The following CPE variants were observed in gnomAD, a reference collection of about 807,000 sequenced individuals.
The protein encoded by CPE is carbocypeptidase E.
In CPE, 17 loss-of-function variants were observed where a neutral mutation model predicts 53.5. The ratio of observed to expected loss-of-function variants is 0.32; its 90% CI spans 0.22 to 0.48. The LOEUF (loss-of-function observed/expected upper bound fraction) is 0.48, where lower values mean the gene tolerates loss of function less well. CPE is among the 20% of genes least tolerant of loss of function. The pLI is 0.99. For missense variants in CPE, 524 were observed against 614.7 expected, an observed-to-expected ratio of 0.85 and a Z score of 1.56; for synonymous variants, 226 against 228.8, an observed-to-expected ratio of 0.99 and a Z score of 0.11.
chr4:165,460,645 A>G (rs1408443804), intron 1 of CPE, among the ~76,000 whole-genome samples: 1 of 152,160 alleles, frequency 6.6e-6, no homozygotes, highest in African/African-American at 2.4e-5. Context: ...AAGCATCTGC[A>G]GCTGCACCTC....
At chr4:165,436,003 G>T (rs1053664670) in intron 1 of CPE, among the ~76,000 whole-genome samples, 12 of 151,916 alleles carry the variant, frequency 7.9e-5, no homozygotes, top group African/African-American at 2.4e-4. Context: ...TCCTACCTCT[G>T]GGCTGATTCT....
At chr4:165,486,209 G>C (rs369288620) in intron 5 of CPE, among the ~76,000 whole-genome samples, 1,448 of 70,146 alleles carry the variant, frequency 0.021, 10 homozygotes, top group African/African-American at 0.042. Flanking sequence ...GAAAAGGGGT[G>C]GGGGGGTAGC....
chr4:165,389,122 A>G (rs1730641521), intron 1 of CPE, among the ~76,000 whole-genome samples: 1 of 152,222 alleles, frequency 6.6e-6, no homozygotes, highest in Non-Finnish European at 1.5e-5. Flanking sequence ...ATATAGAGAT[A>G]GATAAATCTC....
intron 1 of CPE, among the ~76,000 whole-genome samples, chr4:165,426,353 A>G (rs1731317399): frequency 6.6e-6 from 1 of 152,240 alleles, no homozygotes; most frequent in Non-Finnish European, 1.5e-5. Flanking sequence ...TGTTAAGTCC[A>G]GCCTCCAGCT....
At chr4:165,481,715 A>G (rs1277293676) in intron 3 of CPE, among the ~76,000 whole-genome samples, 1 of 152,254 alleles carries the variant, frequency 6.6e-6, no homozygotes, top group Non-Finnish European at 1.5e-5. Flanking sequence ...ACTCTGAAAG[A>G]GACTCAACCT....
chr4:165,379,158 G>C lies in CPE; in HGVS notation c.-64G>C, dbSNP rs1730458450. ...AGCAGCGCCGGCGGGCTAAGCCCAG[G>C]GCCGGGCAGACAAAAGAGGCCGCCC... is the stretch of plus-strand genomic sequence containing the variant. On this transcript the variant is annotated 5_prime_UTR_variant, in exon 1 of 9. Transcript: ENST00000402744. The surrounding 1 kb of genome is among the most constrained non-coding windows in gnomAD (Gnocchi z 6.0). 1.7e-6 allele frequency: 2 copies of C among 1,199,660 alleles called. No homozygotes were observed. Among genetic ancestry groups the C allele is most frequent in the Non-Finnish European group, 2.1e-6 (2 of 964,808 alleles). The allele number at this position is 1,199,660 out of a possible 1,614,324, so 74.3% of individuals were successfully genotyped here.
Position 165,398,064 on chromosome 4 carries a change from A to C in CPE, c.307+18536A>C, listed in dbSNP as rs201841008. ...AGTCCTCATTTCTAAAAAAAAAAAA[A>C]AAAAAAACAAAACCCCACTAAGGTT... is the stretch of plus-strand genomic sequence containing the variant. On this transcript the variant is annotated intron_variant, in intron 1 of 8. Coordinates refer to ENST00000402744, the MANE Select transcript of CPE (RefSeq NM_001873.4). Among the ~76,000 whole-genome samples, 28 of 151,370 alleles carry C rather than the reference A, an allele frequency of 1.8e-4. No individual in the cohort carries two copies. The East Asian group carries it at 4.6e-3, about 25-fold the overall frequency.
At chr4:165,450,863 G>A (rs1169438923) in intron 1 of CPE, among the ~76,000 whole-genome samples, 6 of 152,290 alleles carry the variant, frequency 3.9e-5, no homozygotes, top group Middle Eastern at 3.4e-3. Context: ...AAGTAGGTTG[G>A]AGTAAGAAAA....
intron 1 of CPE, among the ~76,000 whole-genome samples, chr4:165,433,668 G>A (rs1259302298): frequency 3.9e-5 from 6 of 152,126 alleles, no homozygotes; most frequent in South Asian, 2.1e-4. Context: ...CAGGCGTGGC[G>A]GCATGCAAGT....
intron 1 of CPE, among the ~76,000 whole-genome samples, chr4:165,442,047 G>GTT (rs1054878301): frequency 4.4e-4 from 25 of 57,110 alleles, no homozygotes; most frequent in Admixed American, 2.2e-3. Context: ...TTTTTTTTTT[G>GTT]TTTTTTTTTT....
chr4:165,481,846 G>T (rs1361067061), intron 3 of CPE, among the ~76,000 whole-genome samples: 1 of 152,136 alleles, frequency 6.6e-6, no homozygotes, highest in East Asian at 1.9e-4. Context: ...ATCTTGTTCT[G>T]CAGTTCAATT....
At chr4:165,397,415 C>A (rs9997470) in intron 1 of CPE, among the ~76,000 whole-genome samples, 38,230 of 152,078 alleles carry the variant, frequency 0.25, 4,986 homozygotes, top group East Asian at 0.41. Context: ...TTAGAATATA[C>A]ATGTATATAT....
intron 1 of CPE, among the ~76,000 whole-genome samples, chr4:165,399,057 T>A (rs1730822640): frequency 6.6e-6 from 1 of 152,212 alleles, no homozygotes; most frequent in Non-Finnish European, 1.5e-5. Flanking sequence ...ATTATAAAAA[T>A]TTAATTGCCT....
chr4:165,458,945 A>T (rs911880417), intron 1 of CPE, among the ~76,000 whole-genome samples: 1 of 152,328 alleles, frequency 6.6e-6, no homozygotes, highest in East Asian at 1.9e-4. Context: ...CATTTATGTC[A>T]TGCTCACCCT....
At chr4:165,432,378 C>A (rs567382574) in intron 1 of CPE, among the ~76,000 whole-genome samples, 1 of 152,172 alleles carries the variant, frequency 6.6e-6, no homozygotes, top group African/African-American at 2.4e-5. Context: ...TCACCGTAGC[C>A]TCCACCTCCC....
chr4:165,388,764 G>C (rs1427219850), intron 1 of CPE, among the ~76,000 whole-genome samples: 2 of 152,102 alleles, frequency 1.3e-5, no homozygotes, highest in Non-Finnish European at 2.9e-5. Context: ...AATACTTTTT[G>C]TCCTTTTTGT....
chr4:165,475,021 G>A (rs1405141752), intron 3 of CPE, among the ~76,000 whole-genome samples: 1 of 152,164 alleles, frequency 6.6e-6, no homozygotes, highest in Non-Finnish European at 1.5e-5. Flanking sequence ...GGAGGCTATG[G>A]GAGGAAGTGA....
intron 1 of CPE, among the ~76,000 whole-genome samples, chr4:165,402,523 T>C (rs1337059828): frequency 2.0e-5 from 3 of 152,212 alleles, no homozygotes; most frequent in Non-Finnish European, 4.4e-5. Context: ...CTTGAATGAC[T>C]TGACACTATC....
At chr4:165,434,579 C>G (rs1043420856) in intron 1 of CPE, among the ~76,000 whole-genome samples, 2 of 152,068 alleles carry the variant, frequency 1.3e-5, no homozygotes, top group Non-Finnish European at 2.9e-5. Context: ...CTTTCAGCAC[C>G]TAAAGAACTC....
Sources: allele counts gnomAD v4.1 joint callset (sites outside exome capture counted in the v4.1 genomes callset), GRCh38; gene constraint gnomAD v4.1.1; non-coding constraint Gnocchi (gnomAD v3.1); transcripts MANE v1.5; gene names NCBI Gene and HGNC (gene_info 2026-07-23, HGNC 2026-07-21).